NALCN: variants seen among roughly 807,000 people sequenced by gnomAD.
NALCN encodes sodium leak channel NALCN.
In NALCN, 111 loss-of-function variants were observed where a neutral mutation model predicts 225.3. That is an observed-to-expected ratio of 0.49 (90% CI 0.42 to 0.58). The LOEUF (loss-of-function observed/expected upper bound fraction) is 0.58. Among genes scored for constraint, NALCN ranks in the 20% least tolerant of loss-of-function variants. NALCN has a pLI of 0.00. For synonymous variants in NALCN, 764 were observed against 769.0 expected, an observed-to-expected ratio of 0.99 and a Z score of 0.11; for missense variants, 1,378 against 2,202.4, an observed-to-expected ratio of 0.63 and a Z score of 7.49.
At chr13:101,191,221 T>C (rs1350575912) in intron 14 of NALCN, among the ~76,000 whole-genome samples, 2 of 152,180 alleles carry the variant, frequency 1.3e-5, no homozygotes, top group Admixed American at 6.6e-5. Flanking sequence ...TATGAACAAA[T>C]TTATTACATA....
chr13:101,404,437 T>C (rs1026035031), intron 1 of NALCN, among the ~76,000 whole-genome samples: 12 of 152,324 alleles, frequency 7.9e-5, no homozygotes, highest in African/African-American at 2.6e-4. Context: ...TTAGAAAAAC[T>C]ATATAAACAA....
At chr13:101,381,682 G>A (rs77228786) in intron 3 of NALCN, among the ~76,000 whole-genome samples, 31,517 of 151,892 alleles carry the variant, frequency 0.21, 3,838 homozygotes, top group Non-Finnish European at 0.28. Context: ...CTAGGGATAC[G>A]AGGGTGAACA....
At chr13:101,288,478 ACAAGTTGCTT>A (rs2043424492) in intron 9 of NALCN, among the ~76,000 whole-genome samples, 1 of 152,174 alleles carries the variant, frequency 6.6e-6, no homozygotes, top group Admixed American at 6.5e-5. Flanking sequence ...ACATTTATGC[ACAAGTTGCTT>A]TAGGCATTGT....
At chr13:101,327,727 C>CA (rs1245564431) in intron 7 of NALCN, among the ~76,000 whole-genome samples, 1 of 151,944 alleles carries the variant, frequency 6.6e-6, no homozygotes, top group Non-Finnish European at 1.5e-5. Flanking sequence ...TGGATTCTCA[C>CA]AAATCTAGAC....
At chr13:101,171,339 G>A (rs1330627374) in intron 15 of NALCN, among the ~76,000 whole-genome samples, 2 of 147,886 alleles carry the variant, frequency 1.4e-5, no homozygotes, top group African/African-American at 2.5e-5. Flanking sequence ...TTACATATAT[G>A]TAATACAAAA....
At chr13:101,137,581 G>T (rs1257599762) in intron 17 of NALCN, among the ~76,000 whole-genome samples, 1 of 152,132 alleles carries the variant, frequency 6.6e-6, no homozygotes, top group Non-Finnish European at 1.5e-5. Context: ...TACTTCTTCA[G>T]ATTCGAAGAC....
At chr13:101,096,531 A>G (rs1387498701) in intron 27 of NALCN, among the ~76,000 whole-genome samples, 1 of 152,226 alleles carries the variant, frequency 6.6e-6, no homozygotes, top group East Asian at 1.9e-4. Context: ...CTATAGAGAC[A>G]AAAAGAATAT....
intron 10 of NALCN, among the ~76,000 whole-genome samples, chr13:101,273,742 G>A (rs191176262): frequency 7.2e-5 from 11 of 151,846 alleles, no homozygotes; most frequent in Admixed American, 2.6e-4. Context: ...AAAATTAGCC[G>A]GGCGTGGTGG....
At chr13:101,147,520 TAACA>T (rs1334663046) in intron 15 of NALCN, among the ~76,000 whole-genome samples, 1 of 152,050 alleles carries the variant, frequency 6.6e-6, no homozygotes. Flanking sequence ...CCACTGCTTT[TAACA>T]AACAAACAAA....
At chr13:101,140,315 C>T (rs1044024527) in intron 17 of NALCN, among the ~76,000 whole-genome samples, 13 of 152,300 alleles carry the variant, frequency 8.5e-5, no homozygotes, top group South Asian at 2.1e-4. Flanking sequence ...GCACATGCCT[C>T]TCAAGACTCT....
chr13:101,065,667 T>C (rs1335405879), intron 39 of NALCN, 106 bp from the exon 40 acceptor site: 6 of 1,388,118 alleles, frequency 4.3e-6, no homozygotes, highest in Middle Eastern at 2.1e-4. Context: ...GCTAGCATAA[T>C]TAGCACCAGA....
Position 101,111,231 on chromosome 13 carries a change from G to GA in NALCN, c.2193-6dup, listed in dbSNP as rs66537139. On this transcript the variant is annotated splice_region_variant and splice_polypyrimidine_tract_variant and intron_variant, in intron 18 of 43. Transcript: ENST00000251127. ...ATGCGCTGTCGGGTGCAAGCTCTAG[G>GA]AAAAAAAAAGGAGCCCAAGATAAAT... 0.07 allele frequency: 108,063 copies of GA among 1,548,502 alleles called. 6,102 individuals carry two copies. The highest frequency in any genetic ancestry group is 0.4 in the East Asian group (16,853 of 42,552).
At chr13:101,313,136 A>G in intron 7 of NALCN, among the ~76,000 whole-genome samples, 1 of 152,164 alleles carries the variant, frequency 6.6e-6, no homozygotes, top group Non-Finnish European at 1.5e-5. Flanking sequence ...CATATGTAGA[A>G]AGCTGAAACT....
At chr13:101,385,405 A>G (rs1457373402) in intron 3 of NALCN, among the ~76,000 whole-genome samples, 1 of 151,840 alleles carries the variant, frequency 6.6e-6, no homozygotes, top group African/African-American at 2.4e-5. Flanking sequence ...TGCCTCCCCC[A>G]TAGCTTTTAC....
chr13:101,304,497 C>T (rs2044084986), intron 7 of NALCN, among the ~76,000 whole-genome samples: 1 of 150,962 alleles, frequency 6.6e-6, no homozygotes, highest in African/African-American at 2.4e-5. Context: ...GGCTCTGTCA[C>T]CCAGGATGGA....
intron 42 of NALCN, chr13:101,058,357 G>A: frequency 4.6e-6 from 1 of 217,598 alleles, no homozygotes; most frequent in Non-Finnish European, 9.2e-6. Flanking sequence ...ATCTTCGCTG[G>A]CAAACCAGGG....
chr13:101,281,391 T>C (rs1227877771), intron 10 of NALCN, among the ~76,000 whole-genome samples: 1 of 152,192 alleles, frequency 6.6e-6, no homozygotes, highest in Non-Finnish European at 1.5e-5. Flanking sequence ...TAGCACATAG[T>C]TGGTACTCAG....
intron 13 of NALCN, among the ~76,000 whole-genome samples, chr13:101,198,161 A>C (rs972096370): frequency 6.6e-6 from 1 of 152,146 alleles, no homozygotes; most frequent in Admixed American, 6.6e-5. Context: ...TAAAGACTTA[A>C]ATGTCAGACA....
At chr13:101,135,116 A>T (rs1342782627) in intron 17 of NALCN, among the ~76,000 whole-genome samples, 1 of 152,110 alleles carries the variant, frequency 6.6e-6, no homozygotes, top group African/African-American at 2.4e-5. Flanking sequence ...AATGGCGTGA[A>T]CCCGGGAGGC....
Sources: allele counts gnomAD v4.1 joint callset (sites outside exome capture counted in the v4.1 genomes callset), GRCh38; gene constraint gnomAD v4.1.1; transcripts MANE v1.5; gene names NCBI Gene and HGNC (gene_info 2026-07-23, HGNC 2026-07-21).